TSHR: variants seen among roughly 807,000 people sequenced by gnomAD.
TSHR encodes thyrotropin receptor.
Under a neutral mutation model 64.1 loss-of-function variants are expected in TSHR, and 51 were observed. The observed-to-expected ratio is 0.80, with a 90% CI of 0.64 to 1.01. TSHR has a LOEUF of 1.01. Ranked by LOEUF, TSHR falls within the 50% of genes least tolerant of loss-of-function variation. The pLI is 0.00. For synonymous variants in TSHR, 361 were observed against 361.9 expected (o/e 1.00, Z 0.03); for missense variants, 877 against 942.8 (o/e 0.93, Z 0.91).
At chr14:80,979,149 C>A (rs559787206) in intron 1 of TSHR, among the ~76,000 whole-genome samples, 83 of 152,340 alleles carry the variant, frequency 5.4e-4, no homozygotes, top group Middle Eastern at 6.8e-3. Flanking sequence ...TCATCTGCAA[C>A]AACATGGATG....
chr14:80,997,465 A>G (rs1889083408), intron 1 of TSHR, among the ~76,000 whole-genome samples: 1 of 152,214 alleles, frequency 6.6e-6, no homozygotes, highest in Admixed American at 6.5e-5. Flanking sequence ...ACATAGATGA[A>G]AAATGGATTT....
chr14:81,018,378 T>A (rs1012235855), intron 1 of TSHR, among the ~76,000 whole-genome samples: 5 of 152,234 alleles, frequency 3.3e-5, no homozygotes, highest in African/African-American at 1.2e-4. Flanking sequence ...AGTTATCCAG[T>A]AGGGTCAATT....
In TSHR at chr14:81,068,261, T is replaced by A. The variant is rs1184430484; in HGVS notation, c.250T>A (p.Ser84Thr). 2 of 1,612,940 alleles carry A rather than the reference T, an allele frequency of 1.2e-6. No homozygotes were observed. Among genetic ancestry groups the A allele is most frequent in the Non-Finnish European group, 8.5e-7 (1 of 1,179,286 alleles). Residue 84 changes from serine (S) to threonine (T), a missense_variant, in exon 3 of 10, where the codon TCT (serine) becomes ACT (threonine). Transcript: ENST00000298171. ...NLPNISRIYV[S>T]IDVTLQQLES... ...TATTTTTCTGACATTCAGCTACGTATCTATAGATGTGACTCTGCAGCAGCT... is the reference window on the plus strand; with the variant it reads ...TATTTTTCTGACATTCAGCTACGTAACTATAGATGTGACTCTGCAGCAGCT...
At chr14:81,102,758 C>T in intron 7 of TSHR, 8 of 983,466 alleles carry the variant, frequency 8.1e-6, no homozygotes, top group Non-Finnish European at 9.7e-6. Flanking sequence ...GTTTGTAGAC[C>T]TCTGGATAAA....
chr14:80,973,924 A>G (rs780416475), intron 1 of TSHR, among the ~76,000 whole-genome samples: 48 of 152,136 alleles, frequency 3.2e-4, no homozygotes, highest in Non-Finnish European at 5.9e-4. Context: ...ATGTGGAGGC[A>G]GAAGAGGTGT....
At chr14:81,088,066 G>A (rs989775014) in intron 4 of TSHR, 38 bp downstream of exon 4, 10 of 1,507,884 alleles carry the variant, frequency 6.6e-6, no homozygotes, top group Non-Finnish European at 8.3e-6. Context: ...CTTTTCTGGG[G>A]GGAGGGGGTC....
At chr14:81,058,484 A>T (rs2139884786) in intron 1 of TSHR, among the ~76,000 whole-genome samples, 1 of 152,318 alleles carries the variant, frequency 6.6e-6, no homozygotes, top group South Asian at 2.1e-4. Context: ...TTTCCCAATG[A>T]GTTACATATG....
rs550236531 is a variant in TSHR at position 81,008,436 on chromosome 14, T to C, written c.170+52586T>C. ...ATCTGCCCACCTTGGCCTCCCAAAG[T>C]GCTGGGATTACAGGCGTGAGCCACT... On this transcript the variant is annotated intron_variant, in intron 1 of 9. Coordinates refer to ENST00000298171, the MANE Select transcript of TSHR (RefSeq NM_000369.5). 3.3e-5 allele frequency among the ~76,000 whole-genome samples: 5 copies of C among 152,276 alleles called. No homozygotes were observed. In the South Asian group the frequency reaches 1.0e-3, roughly 32 times the overall value.
chr14:81,022,846 G>C (rs563403134), intron 1 of TSHR, among the ~76,000 whole-genome samples: 1 of 152,148 alleles, frequency 6.6e-6, no homozygotes, highest in South Asian at 2.1e-4. Context: ...AAGATGTGGG[G>C]CGTTTGGGAG....
chr14:80,971,053 A>T (rs1887566038), intron 1 of TSHR, among the ~76,000 whole-genome samples: 1 of 152,004 alleles, frequency 6.6e-6, no homozygotes, highest in South Asian at 2.1e-4. Context: ...TGAACTCCTG[A>T]CCTCAAATGA....
chr14:81,032,899 G>A, intron 1 of TSHR: 1 of 356,854 alleles, frequency 2.8e-6, no homozygotes, highest in Non-Finnish European at 5.4e-6. Flanking sequence ...GAAAGGCCTG[G>A]ACGAAAGAGG....
chr14:80,999,601 A>C (rs1458841447), intron 1 of TSHR, among the ~76,000 whole-genome samples: 1 of 152,178 alleles, frequency 6.6e-6, no homozygotes. Flanking sequence ...GGGTTGCTTT[A>C]ATTATAAAGC....
intron 3 of TSHR, among the ~76,000 whole-genome samples, chr14:81,078,118 G>A (rs567491171): frequency 4.6e-5 from 7 of 151,228 alleles, no homozygotes; most frequent in Admixed American, 3.3e-4. Flanking sequence ...ATTTATATAC[G>A]TTCAACATAT....
rs375056062 is a variant in TSHR at position 81,127,670 on chromosome 14, T to C, written c.693-12009T>C. Among the ~76,000 whole-genome samples the C allele has an allele frequency of 7.2e-5, 11 of 152,288 alleles. No homozygotes were observed. The East Asian group carries it at 2.1e-3, about 29-fold the overall frequency. ...CTGTTCTCATGGTAGTGAATAAGTC[T>C]CACAAAATCTGATCGTTTTATAAGG... On this transcript the variant is annotated intron_variant, in intron 8 of 9. Transcript: ENST00000298171.
intron 1 of TSHR, chr14:81,003,584 T>C (rs1889452692): frequency 9.4e-6 from 2 of 213,786 alleles, no homozygotes; most frequent in Non-Finnish European, 2.0e-5. Context: ...AACACAAATA[T>C]TTGAAACTCT....
intron 2 of TSHR, 79 bp downstream of exon 2, chr14:81,062,298 T>A: frequency 1.9e-6 from 2 of 1,072,418 alleles, no homozygotes; most frequent in Non-Finnish European, 2.8e-6. Flanking sequence ...GAAAAATACT[T>A]GGTATTATAC....
intron 3 of TSHR, among the ~76,000 whole-genome samples, chr14:81,080,116 C>G (rs1887796542): frequency 6.6e-6 from 1 of 152,010 alleles, no homozygotes; most frequent in Non-Finnish European, 1.5e-5. Flanking sequence ...CCATGCCCAG[C>G]TAATTTTTTG....
chr14:81,112,841 C>G (rs1285438819), intron 8 of TSHR, among the ~76,000 whole-genome samples: 1 of 152,258 alleles, frequency 6.6e-6, no homozygotes, highest in East Asian at 1.9e-4. Flanking sequence ...TGAGAATATA[C>G]CTGGCACGTT....
chr14:81,030,900 A>G (rs1169987980), intron 1 of TSHR, among the ~76,000 whole-genome samples: 1 of 152,172 alleles, frequency 6.6e-6, no homozygotes, highest in Non-Finnish European at 1.5e-5. Flanking sequence ...TTTGGTCATG[A>G]CATTTTTTCA....
Sources: allele counts gnomAD v4.1 joint callset (sites outside exome capture counted in the v4.1 genomes callset), GRCh38; gene constraint gnomAD v4.1.1; transcripts MANE v1.5; gene names NCBI Gene and HGNC (gene_info 2026-07-23, HGNC 2026-07-21).